The following ASIC2 variants were observed in gnomAD, a reference collection of about 807,000 sequenced individuals.
ASIC2 encodes acid sensing ion channel subunit 2.
In ASIC2, 25 loss-of-function variants were observed where a neutral mutation model predicts 57.3. The observed-to-expected ratio is 0.44, with a 90% CI of 0.32 to 0.61. The LOEUF (loss-of-function observed/expected upper bound fraction) is 0.61, where lower values mean the gene tolerates loss of function less well. Among genes scored for constraint, ASIC2 ranks in the 20% least tolerant of loss-of-function variants. The pLI, the probability that ASIC2 is intolerant of heterozygous loss-of-function variation, is 0.06. For synonymous variants in ASIC2, 319 were observed against 307.5 expected (o/e 1.04, Z -0.39); for missense variants, 641 against 738.1 (o/e 0.87, Z 1.52).
At chr17:33,082,393 C>T (rs2092116347) in intron 3 of ASIC2, among the ~76,000 whole-genome samples, 1 of 152,286 alleles carries the variant, frequency 6.6e-6, no homozygotes, top group East Asian at 1.9e-4. Flanking sequence ...TGAAAGGCTT[C>T]TGATATCAAA....
At chr17:34,015,750 G>A (rs1260626954) in intron 1 of ASIC2, among the ~76,000 whole-genome samples, 1 of 152,202 alleles carries the variant, frequency 6.6e-6, no homozygotes, top group Non-Finnish European at 1.5e-5. Flanking sequence ...TTTGGACTTT[G>A]CCAACTCCTT....
intron 1 of ASIC2, among the ~76,000 whole-genome samples, chr17:33,805,389 T>G (rs557821622): frequency 6.6e-6 from 1 of 152,212 alleles, no homozygotes; most frequent in South Asian, 2.1e-4. Flanking sequence ...GTTTCACCCT[T>G]TTGAGAGTAA....
At chr17:33,900,812 G>A (rs1212238570) in intron 1 of ASIC2, among the ~76,000 whole-genome samples, 1 of 152,186 alleles carries the variant, frequency 6.6e-6, no homozygotes, top group Non-Finnish European at 1.5e-5. Flanking sequence ...TGTGCTGTGA[G>A]CCACAGTGGA....
At chr17:33,595,620 C>G (rs1904956975) in intron 1 of ASIC2, among the ~76,000 whole-genome samples, 1 of 152,244 alleles carries the variant, frequency 6.6e-6, no homozygotes, top group South Asian at 2.1e-4. Context: ...TAAAACTAAT[C>G]AGATCTGAGT....
rs1239390738 is a variant in ASIC2, at chr17:34,118,730, C to T, written c.555+37248G>A. ...TTCCAGCCAGCTGAGTCACTCCTTC[C>T]CCAACACAGGAGGTGAGTGTGTCCT... On this transcript the variant is annotated intron_variant, in intron 1 of 9. Coordinates refer to the ASIC2 transcript ENST00000359872. The T allele has an allele frequency of 2.6e-5, 4 of 152,244 alleles. No homozygotes were observed. In the East Asian group the frequency reaches 7.7e-4, roughly 29 times the overall value. The allele number at this position is 152,244 out of a possible 1,614,324, so 9.4% of individuals were successfully genotyped here.
At chr17:33,982,899 A>T (rs1351237411) in intron 1 of ASIC2, among the ~76,000 whole-genome samples, 4 of 152,250 alleles carry the variant, frequency 2.6e-5, no homozygotes. Flanking sequence ...GCTTATACAC[A>T]TTATGTGTAT....
chr17:33,429,106 C>T (rs553402657), intron 1 of ASIC2, among the ~76,000 whole-genome samples: 7 of 152,238 alleles, frequency 4.6e-5, no homozygotes, highest in African/African-American at 1.4e-4. Context: ...TGTCTGGTCT[C>T]CTGGAACTCT....
At chr17:33,815,554 AC>A (rs1241797581) in intron 1 of ASIC2, among the ~76,000 whole-genome samples, 1 of 152,022 alleles carries the variant, frequency 6.6e-6, no homozygotes, top group African/African-American at 2.4e-5. Context: ...CCAAACTGAC[AC>A]CCCTTGGATA....
At chr17:33,207,669 G>A (rs907507870) in intron 1 of ASIC2, among the ~76,000 whole-genome samples, 1 of 152,138 alleles carries the variant, frequency 6.6e-6, no homozygotes, top group Non-Finnish European at 1.5e-5. Context: ...CACTGGCCCC[G>A]TTTCCAACCA....
intron 1 of ASIC2, among the ~76,000 whole-genome samples, chr17:33,454,794 C>G (rs549215171): frequency 6.6e-6 from 1 of 152,290 alleles, no homozygotes; most frequent in South Asian, 2.1e-4. Flanking sequence ...CAAGATGGCT[C>G]TGTGTTATTG....
intron 1 of ASIC2, among the ~76,000 whole-genome samples, chr17:33,789,449 A>G (rs560991393): frequency 3.5e-5 from 5 of 144,298 alleles, no homozygotes; most frequent in Admixed American, 2.1e-4. Flanking sequence ...TGTGAGATTT[A>G]GCAGAGAATC....
intron 1 of ASIC2, among the ~76,000 whole-genome samples, chr17:33,577,412 G>A (rs574074327): frequency 6.6e-6 from 1 of 152,106 alleles, no homozygotes; most frequent in African/African-American, 2.4e-5. Context: ...GAAGAGGAGC[G>A]GCGAGCAGGG....
chr17:34,092,861 A>G (rs2142089561), intron 1 of ASIC2, among the ~76,000 whole-genome samples: 1 of 152,248 alleles, frequency 6.6e-6, no homozygotes, highest in African/African-American at 2.4e-5. Flanking sequence ...CCCATAAATG[A>G]CTTTATACTT....
At chr17:33,963,855 T>C (rs1904998564) in intron 1 of ASIC2, among the ~76,000 whole-genome samples, 1 of 151,836 alleles carries the variant, frequency 6.6e-6, no homozygotes, top group African/African-American at 2.4e-5. Context: ...TTCTTACATT[T>C]GTAAAGTATT....
At chr17:33,738,705 G>A (rs1408801727) in intron 1 of ASIC2, among the ~76,000 whole-genome samples, 1 of 152,102 alleles carries the variant, frequency 6.6e-6, no homozygotes, top group Non-Finnish European at 1.5e-5. Flanking sequence ...CCTAGGGTGG[G>A]GACGTATAGG....
At chr17:33,295,363 C>G (rs1427594630), upstream of ASIC2, among the ~76,000 whole-genome samples, 3 of 152,214 alleles carry the variant, frequency 2.0e-5, no homozygotes, top group Non-Finnish European at 2.9e-5. Flanking sequence ...TGATGGCTCT[C>G]TTTATGGCAC....
At chr17:33,827,222 G>A (rs147782134) in intron 1 of ASIC2, among the ~76,000 whole-genome samples, 2 of 152,182 alleles carry the variant, frequency 1.3e-5, no homozygotes, top group East Asian at 1.9e-4. Context: ...GCAGTCAGAG[G>A]AGTTAAACTG....
chr17:33,321,073 T>A (rs1906849565), intron 1 of ASIC2, among the ~76,000 whole-genome samples: 1 of 152,232 alleles, frequency 6.6e-6, no homozygotes, highest in South Asian at 2.1e-4. Flanking sequence ...ATGTATCCAC[T>A]TCCGTTGAAT....
intron 1 of ASIC2, among the ~76,000 whole-genome samples, chr17:34,014,889 G>A (rs1457556863): frequency 9.3e-6 from 1 of 107,814 alleles, no homozygotes; most frequent in African/African-American, 4.9e-5. Context: ...AAATAATATC[G>A]CTGCATTTTT....
Sources: gnomAD v4.1 joint callset for allele counts (sites outside exome capture counted in the v4.1 genomes callset) on GRCh38, gnomAD v4.1.1 for gene constraint, MANE v1.5 for transcripts, NCBI Gene and HGNC (gene_info 2026-07-23, HGNC 2026-07-21) for gene names.